Variants in RIMS2 observed in about 807,000 individuals in gnomAD.
The protein encoded by RIMS2 is regulating synaptic membrane exocytosis 2.
A neutral mutation model predicts 174.4 loss-of-function variants in RIMS2; 59 were observed. The observed-to-expected ratio is 0.34, with a 90% CI of 0.27 to 0.42. RIMS2 has a LOEUF of 0.42. RIMS2 is among the 10% of genes least tolerant of loss of function. The pLI is 1.00. For missense variants in RIMS2, 1,620 were observed against 1,666.3 expected (o/e 0.97, Z 0.48); for synonymous variants, 606 against 572.5 (o/e 1.06, Z -0.84).
chr8:103,636,602 T>C (rs2096079071), intron 1 of RIMS2, among the ~76,000 whole-genome samples: 1 of 152,170 alleles, frequency 6.6e-6, no homozygotes, highest in African/African-American at 2.4e-5. Flanking sequence ...GTCTTGCTTT[T>C]CTTCATTCTC....
chr8:104,012,545 T>C (rs181666147), intron 17 of RIMS2, among the ~76,000 whole-genome samples: 1 of 152,170 alleles, frequency 6.6e-6, no homozygotes, highest in Non-Finnish European at 1.5e-5. Flanking sequence ...TTATTTGAAA[T>C]ATACTTTGAC....
At chr8:103,851,274 A>G (rs116580626) in intron 3 of RIMS2, among the ~76,000 whole-genome samples, 141 of 151,984 alleles carry the variant, frequency 9.3e-4, no homozygotes, top group African/African-American at 2.9e-3. Flanking sequence ...TGAATATTCT[A>G]TTGGTATGTG....
chr8:104,054,156 T>C (rs1160525106), intron 19 of RIMS2, among the ~76,000 whole-genome samples: 2 of 152,174 alleles, frequency 1.3e-5, no homozygotes, highest in South Asian at 4.1e-4. Context: ...TTCTCATCCT[T>C]CTTAATCTGA....
chr8:104,009,705 T>G (rs1053851225), intron 17 of RIMS2, among the ~76,000 whole-genome samples: 1 of 152,182 alleles, frequency 6.6e-6, no homozygotes, highest in African/African-American at 2.4e-5. Flanking sequence ...TTTTTTAAAT[T>G]TAAGATGTCA....
intron 19 of RIMS2, among the ~76,000 whole-genome samples, chr8:104,229,553 C>T (rs910247942): frequency 6.6e-6 from 1 of 152,164 alleles, no homozygotes; most frequent in African/African-American, 2.4e-5. Context: ...AAACTGGGAG[C>T]CAGAAGGCTG....
chr8:104,215,363 T>C (rs117344170), intron 19 of RIMS2, among the ~76,000 whole-genome samples: 1 of 152,242 alleles, frequency 6.6e-6, no homozygotes, highest in Non-Finnish European at 1.5e-5. Context: ...GGTACTTTTT[T>C]ATTTTTCCAT....
At chr8:104,119,155 A>C (rs2098332064) in intron 19 of RIMS2, among the ~76,000 whole-genome samples, 2 of 151,348 alleles carry the variant, frequency 1.3e-5, no homozygotes, top group Non-Finnish European at 2.9e-5. Context: ...AGACCATCCT[A>C]GCCAACATGG....
intron 14 of RIMS2, among the ~76,000 whole-genome samples, chr8:103,945,269 C>T (rs1268119177): frequency 6.6e-6 from 1 of 151,876 alleles, no homozygotes; most frequent in African/African-American, 2.4e-5. Flanking sequence ...CTGAATAAAC[C>T]TGTAATAAGT....
At chr8:104,069,605 G>T (rs180690236) in intron 19 of RIMS2, among the ~76,000 whole-genome samples, 219 of 151,416 alleles carry the variant, frequency 1.4e-3, no homozygotes, top group Non-Finnish European at 2.5e-3. Flanking sequence ...AGTACCTGGG[G>T]CTACAGACAT....
chr8:103,526,595 A>G (rs1450262343), intron 1 of RIMS2, among the ~76,000 whole-genome samples: 1 of 152,224 alleles, frequency 6.6e-6, no homozygotes, highest in Admixed American at 6.5e-5. Context: ...GCAGAGCACT[A>G]TACATCATGA....
intron 3 of RIMS2, among the ~76,000 whole-genome samples, chr8:103,851,692 C>CAG (rs879410490): frequency 1.3e-3 from 170 of 129,638 alleles, no homozygotes; most frequent in Non-Finnish European, 2.4e-3. Flanking sequence ...CACACACACA[C>CAG]AGGCAACTCA....
chr8:104,197,266 C>T (rs1010449323), intron 19 of RIMS2, among the ~76,000 whole-genome samples: 1 of 149,602 alleles, frequency 6.7e-6, no homozygotes, highest in African/African-American at 2.5e-5. Flanking sequence ...ACCTCCATTT[C>T]CTGGGTTCTT....
chr8:103,942,230 G>T (rs565232065), intron 13 of RIMS2, among the ~76,000 whole-genome samples: 1 of 152,272 alleles, frequency 6.6e-6, no homozygotes, highest in East Asian at 1.9e-4. Flanking sequence ...CCACTTAAAA[G>T]TGAGAATGCG....
chr8:103,929,289 A>C (rs963352432), intron 11 of RIMS2, among the ~76,000 whole-genome samples: 2 of 151,772 alleles, frequency 1.3e-5, no homozygotes, highest in Admixed American at 6.6e-5. Context: ...ATCTGAAAAG[A>C]ATACTCTCTA....
chr8:103,622,343 ATAT>A (rs766993215), intron 1 of RIMS2, among the ~76,000 whole-genome samples: 3 of 152,156 alleles, frequency 2.0e-5, no homozygotes, highest in Non-Finnish European at 4.4e-5. Context: ...AAATGTGAAG[ATAT>A]TATCTGGAAG....
chr8:104,076,964 G>A (rs1476333892), intron 19 of RIMS2, among the ~76,000 whole-genome samples: 1 of 151,730 alleles, frequency 6.6e-6, no homozygotes, highest in South Asian at 2.1e-4. Flanking sequence ...TTACAGGCAC[G>A]TGCCACCACA....
chr8:103,712,218 C>T (rs1034037698), intron 2 of RIMS2, among the ~76,000 whole-genome samples: 1 of 150,438 alleles, frequency 6.6e-6, no homozygotes, highest in East Asian at 2.0e-4. Flanking sequence ...CCACCTTGCC[C>T]AGGAAATAGT....
intron 19 of RIMS2, among the ~76,000 whole-genome samples, chr8:104,229,455 G>C (rs751085061): frequency 6.6e-6 from 1 of 152,032 alleles, no homozygotes; most frequent in East Asian, 1.9e-4. Context: ...ATGAAAACAG[G>C]GTATTTATTG....
chr8:103,989,195 G>C, intron 16 of RIMS2, 110 bp from the exon 19 acceptor site: 1 of 662,080 alleles, frequency 1.5e-6, no homozygotes. Context: ...ACAAAATTTG[G>C]ACTTCACCAT....
Sources: allele counts gnomAD v4.1 joint callset (sites outside exome capture counted in the v4.1 genomes callset), GRCh38; gene constraint gnomAD v4.1.1; transcripts MANE v1.5; gene names NCBI Gene and HGNC (gene_info 2026-07-23, HGNC 2026-07-21).